Variants in GARS1 observed in about 807,000 individuals in gnomAD.
GARS1 encodes the protein glycyl-tRNA synthetase 1, also known as glycine--tRNA ligase.
Under a neutral mutation model 86.4 loss-of-function variants are expected in GARS1, and 46 were observed. The ratio of observed to expected loss-of-function variants is 0.53; its 90% CI spans 0.42 to 0.68. The LOEUF is 0.68. GARS1 is among the 30% of genes least tolerant of loss of function. The probability of loss-of-function intolerance (pLI) is 0.00; values close to 1 mark genes in which losing one functional copy is unlikely to be tolerated. For synonymous variants in GARS1, 342 were observed against 329.8 expected (o/e 1.04, Z -0.40); for missense variants, 797 against 915.6 (o/e 0.87, Z 1.67).
At chr7:30,600,472 C>A (rs117604747) in intron 3 of GARS1, among the ~76,000 whole-genome samples, 3,285 of 152,284 alleles carry the variant, frequency 0.022, 54 homozygotes, top group Non-Finnish European at 0.033. Context: ...ACATTCTTCC[C>A]AGGGATGTAG....
At chr7:30,629,462 C>G (rs1783194817) in intron 14 of GARS1, among the ~76,000 whole-genome samples, 1 of 152,058 alleles carries the variant, frequency 6.6e-6, no homozygotes, top group Admixed American at 6.6e-5. Flanking sequence ...GGGCAGATTA[C>G]TAGGAAAGCC....
chr7:30,608,528 T>C (rs1791530174), intron 6 of GARS1, among the ~76,000 whole-genome samples: 1 of 152,198 alleles, frequency 6.6e-6, no homozygotes, highest in African/African-American at 2.4e-5. Context: ...AGAAATTCTG[T>C]AGAAATAGAG....
intron 2 of GARS1, among the ~76,000 whole-genome samples, chr7:30,599,167 G>A (rs1014933906): frequency 1.3e-5 from 2 of 152,160 alleles, no homozygotes; most frequent in Non-Finnish European, 2.9e-5. Flanking sequence ...GGAAAGGATT[G>A]TGCTCTTCTT....
chr7:30,625,903 T>C (rs1161738587), intron 12 of GARS1, among the ~76,000 whole-genome samples: 1 of 152,238 alleles, frequency 6.6e-6, no homozygotes, highest in Non-Finnish European at 1.5e-5. Flanking sequence ...ACAAAGTTGT[T>C]ATTATTCTAA....
chr7:30,621,941 C>A (rs1562780054), intron 11 of GARS1, among the ~76,000 whole-genome samples: 1 of 152,096 alleles, frequency 6.6e-6, no homozygotes, highest in Non-Finnish European at 1.5e-5. Context: ...AATTTTCTTT[C>A]TTTAGTAGGC....
chr7:30,631,925 C>T (rs11981106), intron 15 of GARS1: 24,073 of 401,182 alleles, frequency 0.06, 1,651 homozygotes, highest in African/African-American at 0.23. Flanking sequence ...TATTTCAGAG[C>T]TGGGAAATGG....
chr7:30,625,104 A>C (rs1337361845), intron 12 of GARS1, among the ~76,000 whole-genome samples: 1 of 152,054 alleles, frequency 6.6e-6, no homozygotes, highest in Non-Finnish European at 1.5e-5. Flanking sequence ...CACCACGCCT[A>C]GCTAATTTTT....
rs1783122695 is a variant in GARS1 at position 30,626,155 on chromosome 7, G to A, written c.1614-79G>A. On this transcript the variant is annotated intron_variant, in intron 12 of 16. Coordinates refer to ENST00000389266, the MANE Select transcript of GARS1 (RefSeq NM_002047.4). ...AGTTATAAAAAGAAAAAACAACTTA[G>A]CAATCTACAAAATTCCTTTAAATTA... is the stretch of plus-strand genomic sequence containing the variant. 8.8e-6 allele frequency: 7 copies of A among 792,308 alleles called. No individual in the cohort carries two copies. The South Asian group carries it at 1.0e-4, about 12-fold the overall frequency. The allele number at this position is 792,308 out of a possible 1,614,324, so 49.1% of individuals were successfully genotyped here.
In GARS1 at chr7:30,615,830, T is replaced by C. The variant is rs911208918; in HGVS notation, c.1032-66T>C. The C allele has an allele frequency of 1.9e-6, 3 of 1,555,412 alleles. No individual in the cohort carries two copies. The African/African-American group carries it at 4.1e-5, about 21-fold the overall frequency. On this transcript the variant is annotated intron_variant, in intron 8 of 16. Coordinates refer to ENST00000389266, the MANE Select transcript of GARS1 (RefSeq NM_002047.4). ...AGAATGCAGTTGAAAATAGAGGCCT[T>C]GTTTTTTGTTTGTTTGTTTTTTGTA...
At chr7:30,631,672 G>T (rs1425432758) in intron 15 of GARS1, 131 bp downstream of exon 15, 6 of 702,196 alleles carry the variant, frequency 8.5e-6, no homozygotes, top group Non-Finnish European at 1.3e-5. Context: ...AAGAGTACAT[G>T]ATTTTAGCCT....
upstream of GARS1, chr7:30,594,820 G>C: frequency 9.9e-7 from 1 of 1,014,644 alleles, no homozygotes; most frequent in Non-Finnish European, 1.4e-6. Context: ...GCGGCAGCAC[G>C]CGCGCCGCGT....
At chr7:30,626,422 C>T in intron 13 of GARS1, 103 bp downstream of exon 13, 1 of 748,102 alleles carries the variant, frequency 1.3e-6, no homozygotes, top group South Asian at 1.5e-5. Context: ...AGTGCAGTGG[C>T]ACAACCTCTG....
chr7:30,599,005 G>A (rs1305488110), intron 2 of GARS1, 108 bp downstream of exon 2: 5 of 860,864 alleles, frequency 5.8e-6, no homozygotes, highest in Non-Finnish European at 9.6e-6. Context: ...AGTATCATTT[G>A]GTTTATCTGT....
At chr7:30,607,200 G>T (rs1402967644) in intron 6 of GARS1, among the ~76,000 whole-genome samples, 2 of 152,176 alleles carry the variant, frequency 1.3e-5, no homozygotes, top group Non-Finnish European at 2.9e-5. Flanking sequence ...TATGCAGTTA[G>T]TCCATATATT....
At chr7:30,622,517 C>T in intron 12 of GARS1, 55 bp downstream of exon 12, 1 of 1,597,598 alleles carries the variant, frequency 6.3e-7, no homozygotes, top group Non-Finnish European at 8.6e-7. Flanking sequence ...TGTCATCTGC[C>T]AGGTTCTGAA....
chr7:30,611,984 T>G (rs1432349900), intron 7 of GARS1, 112 bp from the exon 8 acceptor site: 12 of 996,468 alleles, frequency 1.2e-5, no homozygotes, highest in Non-Finnish European at 1.8e-5. Flanking sequence ...CTGTTCAACT[T>G]TGTTGTGAAA....
intron 12 of GARS1, among the ~76,000 whole-genome samples, chr7:30,623,144 A>G (rs547128884): frequency 3.9e-4 from 59 of 151,648 alleles, no homozygotes; most frequent in Admixed American, 9.8e-4. Flanking sequence ...AAGCCTTTAA[A>G]GAAATACAAC....
chr7:30,630,710 A>G (rs1430376506), intron 14 of GARS1, among the ~76,000 whole-genome samples: 1 of 151,810 alleles, frequency 6.6e-6, no homozygotes, highest in Non-Finnish European at 1.5e-5. Context: ...GGGTCTTGCC[A>G]TGTTGCCCTG....
chr7:30,602,508 G>A (rs1409624739), intron 4 of GARS1, among the ~76,000 whole-genome samples: 1 of 152,250 alleles, frequency 6.6e-6, no homozygotes, highest in African/African-American at 2.4e-5. Flanking sequence ...GAGGAATTCT[G>A]AATGATGGCT....
Sources: gnomAD v4.1 joint callset for allele counts (sites outside exome capture counted in the v4.1 genomes callset) on GRCh38, gnomAD v4.1.1 for gene constraint, MANE v1.5 for transcripts, NCBI Gene and HGNC (gene_info 2026-07-23, HGNC 2026-07-21) for gene names.